The following AQP9 variants were observed in gnomAD, a reference collection of about 807,000 sequenced individuals.
The protein encoded by AQP9 is aquaporin-9.
Under a neutral mutation model 23.8 loss-of-function variants are expected in AQP9, and 19 were observed. The ratio of observed to expected loss-of-function variants is 0.80; its 90% CI spans 0.56 to 1.17. The LOEUF (loss-of-function observed/expected upper bound fraction) is 1.17. Among genes scored for constraint, AQP9 ranks in the 50% most tolerant of loss-of-function variants. The pLI is 0.00. For synonymous variants in AQP9, 153 were observed against 131.5 expected (o/e 1.16, Z -1.12); for missense variants, 413 against 362.0 (o/e 1.14, Z -1.14).
At chr15:58,175,098 G>A in intron 4 of AQP9, 62 bp downstream of exon 4, 1 of 1,403,732 alleles carries the variant, frequency 7.1e-7, no homozygotes, top group Non-Finnish European at 1.0e-6. Flanking sequence ...TAAGGGGAAT[G>A]CATTGGAGAA....
At chr15:58,182,755 C>T (rs1388435735) in intron 5 of AQP9, among the ~76,000 whole-genome samples, 7 of 152,156 alleles carry the variant, frequency 4.6e-5, no homozygotes, top group Admixed American at 2.0e-4. Context: ...CTGCCATGCT[C>T]AGGCTCAGTG....
intron 1 of AQP9, chr15:58,155,270 A>G (rs1229039821): frequency 6.6e-6 from 1 of 152,148 alleles, no homozygotes; most frequent in African/African-American, 2.4e-5. Flanking sequence ...AGCTTATACT[A>G]TGGTTCATTT....
chr15:58,166,306 G>A (rs1186309383), intron 1 of AQP9, among the ~76,000 whole-genome samples: 1 of 152,168 alleles, frequency 6.6e-6, no homozygotes, highest in Non-Finnish European at 1.5e-5. Context: ...TGGGTAACAG[G>A]TACATGGGAC....
In AQP9 at chr15:58,183,976, C is replaced by G; in HGVS notation, c.729C>G (p.Phe243Leu). The stretch of plus-strand genomic sequence containing the variant: ...TTGATTTCAGAGCTGGAAACAACTT[C>G]TGGTGGATTCCTGTAGTGGGCCCTT... The part of the protein sequence containing the change: ...GFEVFRAGNN[F>L]WWIPVVGPLV... Residue 243 changes from phenylalanine (F) to leucine (L), a missense_variant, in exon 6 of 6, where the codon TTC (phenylalanine) becomes TTG (leucine). Phe to Leu is a conservative substitution (Grantham distance 22). Transcript: ENST00000219919. The G allele has an allele frequency of 1.2e-6, 2 of 1,614,022 alleles. No homozygotes were observed. Among genetic ancestry groups the G allele is most frequent in the South Asian group, 2.2e-5 (2 of 91,038 alleles).
At chr15:58,148,448 AC>A (rs1898088847) in intron 1 of AQP9, among the ~76,000 whole-genome samples, 1 of 152,116 alleles carries the variant, frequency 6.6e-6, no homozygotes, top group African/African-American at 2.4e-5. Context: ...AGATTTGCAG[AC>A]CCTGGAAACA....
At chr15:58,180,778 TC>T in intron 5 of AQP9, among the ~76,000 whole-genome samples, 1 of 152,150 alleles carries the variant, frequency 6.6e-6, no homozygotes, top group Non-Finnish European at 1.5e-5. Flanking sequence ...CTGTTAAGCA[TC>T]CTACAATGCA....
At position 58,156,490 on chromosome 15, in the gene AQP9, C is replaced by T. The variant is rs991406107; in HGVS notation, c.112-10183C>T. On this transcript the variant is annotated intron_variant, in intron 1 of 5. Coordinates refer to ENST00000219919, the MANE Select transcript of AQP9 (RefSeq NM_020980.5). ...ACGAATATCAACCCATACTAAAAAT[C>T]CTTAACATTACATAGTACATTAAAT... Among the ~76,000 whole-genome samples the T allele has an allele frequency of 3.9e-5, 6 of 152,292 alleles. No homozygotes were observed. In the East Asian group the frequency reaches 1.2e-3, roughly 29 times the overall value.
chr15:58,176,246 C>T (rs1346591276), intron 4 of AQP9, among the ~76,000 whole-genome samples: 1 of 152,100 alleles, frequency 6.6e-6, no homozygotes, highest in African/African-American at 2.4e-5. Flanking sequence ...GAGCTGGGCA[C>T]GGTGGTTCAC....
intron 1 of AQP9, among the ~76,000 whole-genome samples, chr15:58,142,188 A>C (rs1331603237): frequency 6.6e-6 from 1 of 152,178 alleles, no homozygotes; most frequent in East Asian, 1.9e-4. Context: ...TCGCTTGTCC[A>C]AATTCTCGTT....
At chr15:58,178,165 T>C (rs1007851117) in intron 4 of AQP9, among the ~76,000 whole-genome samples, 1 of 152,186 alleles carries the variant, frequency 6.6e-6, no homozygotes, top group African/African-American at 2.4e-5. Flanking sequence ...CCATGGATTT[T>C]TGGTACTTGC....
chr15:58,162,131 G>A (rs146542984), intron 1 of AQP9, among the ~76,000 whole-genome samples: 9 of 152,272 alleles, frequency 5.9e-5, no homozygotes, highest in East Asian at 3.9e-4. Flanking sequence ...GTTAATTACC[G>A]TGTCATAATG....
At chr15:58,150,932 G>A (rs1417778756) in intron 1 of AQP9, 8 of 152,214 alleles carry the variant, frequency 5.3e-5, no homozygotes, top group African/African-American at 1.7e-4. Context: ...CTTGACTTAT[G>A]AATGAACCCA....
At chr15:58,152,810 A>G (rs1168205346) in intron 1 of AQP9, 1 of 152,156 alleles carries the variant, frequency 6.6e-6, no homozygotes, top group Non-Finnish European at 1.5e-5. Flanking sequence ...GACAGTAACA[A>G]TTCAAACTCT....
intron 1 of AQP9, among the ~76,000 whole-genome samples, chr15:58,165,378 T>A (rs888250525): frequency 6.6e-6 from 1 of 152,152 alleles, no homozygotes; most frequent in Non-Finnish European, 1.5e-5. Context: ...TTTAAAAAAA[T>A]TAGAAAACAG....
chr15:58,183,779 G>C (rs1340855946), intron 5 of AQP9, among the ~76,000 whole-genome samples, 182 bp from the exon 6 acceptor site: 1 of 152,166 alleles, frequency 6.6e-6, no homozygotes, highest in Non-Finnish European at 1.5e-5. Flanking sequence ...TCTGAAATCA[G>C]GTGTAGTGGA....
intron 1 of AQP9, among the ~76,000 whole-genome samples, chr15:58,165,287 G>C (rs148948574): frequency 6.6e-6 from 1 of 152,214 alleles, no homozygotes; most frequent in East Asian, 1.9e-4. Context: ...CCCAAGAACC[G>C]TCCTTCACCA....
At chr15:58,151,007 A>G (rs1346614441) in intron 1 of AQP9, 1 of 152,240 alleles carries the variant, frequency 6.6e-6, no homozygotes, top group African/African-American at 2.4e-5. Flanking sequence ...TCGACTCATT[A>G]GATTATGATA....
intron 1 of AQP9, among the ~76,000 whole-genome samples, chr15:58,139,399 G>A (rs1222022952): frequency 6.6e-6 from 1 of 152,198 alleles, no homozygotes; most frequent in African/African-American, 2.4e-5. Flanking sequence ...AGACTGGAAA[G>A]TTTACTTAAG....
intron 2 of AQP9, among the ~76,000 whole-genome samples, chr15:58,170,185 C>T (rs761990273): frequency 1.2e-4 from 18 of 152,182 alleles, no homozygotes; most frequent in Non-Finnish European, 1.8e-4. Flanking sequence ...CTCATCTCTG[C>T]GGGGAGAAAT....
Sources: gnomAD v4.1 joint callset for allele counts (sites outside exome capture counted in the v4.1 genomes callset) on GRCh38, gnomAD v4.1.1 for gene constraint, MANE v1.5 for transcripts, NCBI Gene and HGNC (gene_info 2026-07-23, HGNC 2026-07-21) for gene names.